MAP2K2: variants seen among roughly 807,000 people sequenced by gnomAD.
MAP2K2 encodes the protein mitogen-activated protein kinase kinase 2.
MAP2K2 carries 24 observed loss-of-function variants against 43.7 expected under a neutral mutation model. That is an observed-to-expected ratio of 0.55 (90% CI 0.40 to 0.77). The LOEUF (loss-of-function observed/expected upper bound fraction) is 0.77. Ranked by LOEUF, MAP2K2 falls within the 30% of genes least tolerant of loss-of-function variation. The pLI is 0.00. For missense variants in MAP2K2, 470 were observed against 566.8 expected, an observed-to-expected ratio of 0.83 and a Z score of 1.73; for synonymous variants, 244 against 239.7, an observed-to-expected ratio of 1.02 and a Z score of -0.17.
In MAP2K2 at chr19:4,101,733, C is replaced by T. The variant is rs1301348342; in HGVS notation, c.529-453G>A. Among the ~76,000 whole-genome samples, 1 of 152,158 alleles carries T rather than the reference C, an allele frequency of 6.6e-6. No homozygotes were observed. Among genetic ancestry groups the T allele is most frequent in the Non-Finnish European group, 1.5e-5 (1 of 68,026 alleles). On this transcript the variant is annotated intron_variant, in intron 4 of 10. Transcript: ENST00000262948. The surrounding 1 kb of genome is among the most constrained non-coding windows in gnomAD (Gnocchi z 6.3). ...GTTTCCCCCAGGCCCGCCCTGGAAG[C>T]AGCATCCCGAGAAGTGAAGCAAGCA... is the stretch of plus-strand genomic sequence containing the variant.
chr19:4,102,651 G>A, intron 3 of MAP2K2, 198 bp from the exon 4 acceptor site: 12 of 957,060 alleles, frequency 1.3e-5, no homozygotes, highest in Non-Finnish European at 1.9e-5. Context: ...CCCACAAGGT[G>A]GGGAAGGAAC....
intron 9 of MAP2K2, 76 bp downstream of exon 9, chr19:4,095,312 G>A (rs1478552623): frequency 9.4e-6 from 13 of 1,377,818 alleles, no homozygotes; most frequent in Admixed American, 2.0e-5. Context: ...GCTGGGCCAC[G>A]GGCCCCACCC....
chr19:4,099,344 T>C lies in MAP2K2; in HGVS notation c.776A>G (p.Glu259Gly), dbSNP rs2145050251. The change falls in exon 7 of 11, where the codon GAG (glutamate) becomes GGG (glycine). Residue 259 changes from glutamate (E) to glycine (G), a missense_variant. Coordinates refer to ENST00000262948, the MANE Select transcript of MAP2K2 (RefSeq NM_030662.4). Reference sequence around the variant, plus strand: ...GATGGGGTACCTTCCGACGGCCAGCTCCACCAGGGACAGGCCCATGCTCCA... The same window carrying C: ...GATGGGGTACCTTCCGACGGCCAGCCCCACCAGGGACAGGCCCATGCTCCA... ...DIWSMGLSLVELAVGRYPIPP... is the reference protein window; with the variant it reads ...DIWSMGLSLVGLAVGRYPIPP... The C allele has an allele frequency of 1.9e-6, 3 of 1,611,618 alleles. No individual in the cohort carries two copies. Among genetic ancestry groups the C allele is most frequent in the Non-Finnish European group, 2.5e-6 (3 of 1,179,294 alleles).
rs147624341 is a variant in MAP2K2, at chr19:4,099,425, G to A, written c.706-11C>T. 1.9e-6 allele frequency: 3 copies of A among 1,590,056 alleles called. No individual in the cohort carries two copies. The highest frequency in any genetic ancestry group is 1.7e-6 in the Non-Finnish European group (2 of 1,168,196). ...CTGCAACCGCTCCGGCTGCAGCAGA[G>A]CCAGGGAGGAAAGAGCCCAGAGGGG... is the stretch of plus-strand genomic sequence containing the variant. On this transcript the variant is annotated splice_polypyrimidine_tract_variant and intron_variant, in intron 6 of 10. Transcript: ENST00000262948.
chr19:4,116,883 C>T (rs1161998922), intron 2 of MAP2K2, among the ~76,000 whole-genome samples: 4 of 152,144 alleles, frequency 2.6e-5, no homozygotes, highest in Non-Finnish European at 5.9e-5. Flanking sequence ...GAGCCAAGAT[C>T]ATGCCACTGC....
intron 10 of MAP2K2, among the ~76,000 whole-genome samples, chr19:4,093,935 T>C (rs989574459): frequency 6.6e-6 from 1 of 152,024 alleles, no homozygotes; most frequent in Non-Finnish European, 1.5e-5. Context: ...CCCGGGGCCC[T>C]CCTCTGAGGG....
chr19:4,098,932 C>T lies in MAP2K2; in HGVS notation c.919+269G>A, dbSNP rs1177689849. The stretch of plus-strand genomic sequence containing the variant: ...GTTGGAAAATCCAACTGCCCAGGGG[C>T]TTGGTGGCAAAGCTGCGCTCCCAGA... On this transcript the variant is annotated intron_variant, in intron 7 of 10. Coordinates refer to ENST00000262948, the MANE Select transcript of MAP2K2 (RefSeq NM_030662.4). Among the ~76,000 whole-genome samples the T allele has an allele frequency of 2.0e-5, 3 of 152,262 alleles. No homozygotes were observed. In the East Asian group the frequency reaches 5.8e-4, roughly 29 times the overall value.
chr19:4,102,358 G>C lies in MAP2K2; in HGVS notation c.528+18C>G, dbSNP rs1397298285. 1 of 1,581,940 alleles carries C rather than the reference G, an allele frequency of 6.3e-7. No individual in the cohort carries two copies. The highest frequency in any genetic ancestry group is 1.1e-5 in the South Asian group (1 of 87,112). On this transcript the variant is annotated intron_variant, in intron 4 of 10. Transcript: ENST00000262948. The stretch of plus-strand genomic sequence containing the variant: ...CAGAGTGCGGTGGGGGCGCGATGTG[G>C]GTCTGCGGTGGACTCACCGCGATGC...
In MAP2K2 at chr19:4,110,569, G is replaced by A. The variant is rs749956316; in HGVS notation, c.390C>T (p.Ile130=). ...QVLHECNSPY[I]VGFYGAFYSD... The stretch of plus-strand genomic sequence containing the variant: ...TGTAGAAGGCCCCGTAGAAGCCCAC[G>A]ATGTACGGCGAGTTGCATTCGTGCA... The change falls in exon 3 of 11, where the codon ATC becomes ATT. Residue 130 remains isoleucine, a synonymous_variant. Coordinates refer to ENST00000262948, the MANE Select transcript of MAP2K2 (RefSeq NM_030662.4). 25 of 1,613,920 alleles carry A rather than the reference G, an allele frequency of 1.5e-5. No individual in the cohort carries two copies. Among genetic ancestry groups the A allele is most frequent in the Non-Finnish European group, 1.9e-5 (23 of 1,180,046 alleles).
At chr19:4,098,782 T>A (rs1358637298) in intron 7 of MAP2K2, among the ~76,000 whole-genome samples, 1 of 152,234 alleles carries the variant, frequency 6.6e-6, no homozygotes, top group Non-Finnish European at 1.5e-5. Context: ...AAGTCCAATC[T>A]CCACTTCAGG....
At chr19:4,096,530 T>A (rs534408830) in intron 8 of MAP2K2, among the ~76,000 whole-genome samples, 11 of 152,286 alleles carry the variant, frequency 7.2e-5, no homozygotes, top group African/African-American at 2.6e-4. Flanking sequence ...CCTTGTGCCT[T>A]GTTTTACTCA....
intron 2 of MAP2K2, among the ~76,000 whole-genome samples, chr19:4,113,317 G>A (rs981929778): frequency 1.1e-4 from 17 of 152,150 alleles, no homozygotes; most frequent in African/African-American, 3.6e-4. Context: ...CGTGATCTCA[G>A]TTTTAATGGT....
intron 1 of MAP2K2, among the ~76,000 whole-genome samples, chr19:4,119,835 A>G (rs8105284): frequency 7.7e-4 from 118 of 152,362 alleles, no homozygotes; most frequent in African/African-American, 2.7e-3. Flanking sequence ...GGACTGAAGC[A>G]GGGAATGAAG....
Position 4,101,706 on chromosome 19 carries a change from ATGTTTCCCCCAGGCCCGCCC to A in MAP2K2, c.529-446_529-427del, listed in dbSNP as rs1488303487. ...GGGCTAAGGGTGCCTGGGAAGGACG[ATGTTTCCCCCAGGCCCGCCC>A]TGGAAGCAGCATCCCGAGAAGTGAA... On this transcript the variant is annotated intron_variant, in intron 4 of 10. Coordinates refer to ENST00000262948, the MANE Select transcript of MAP2K2 (RefSeq NM_030662.4). This position sits in a 1 kb window ranked among gnomAD's most constrained non-coding sequence, Gnocchi z 6.3. Among the ~76,000 whole-genome samples the A allele has an allele frequency of 1.3e-5, 2 of 152,092 alleles. No homozygotes were observed. The highest frequency in any genetic ancestry group is 2.9e-5 in the Non-Finnish European group (2 of 68,000).
rs554944165 is a variant in MAP2K2 at position 4,101,704 on chromosome 19, C to T, written c.529-424G>A. On this transcript the variant is annotated intron_variant, in intron 4 of 10. Coordinates refer to ENST00000262948, the MANE Select transcript of MAP2K2 (RefSeq NM_030662.4). This position sits in a 1 kb window ranked among gnomAD's most constrained non-coding sequence, Gnocchi z 6.3. ...ACGGGCTAAGGGTGCCTGGGAAGGACGATGTTTCCCCCAGGCCCGCCCTGG... is the reference window on the plus strand; with the variant it reads ...ACGGGCTAAGGGTGCCTGGGAAGGATGATGTTTCCCCCAGGCCCGCCCTGG... 7.4e-4 allele frequency among the ~76,000 whole-genome samples: 113 copies of T among 152,216 alleles called. No individual in the cohort carries two copies. The highest frequency in any genetic ancestry group is 1.9e-3 in the African/African-American group (79 of 41,518).
chr19:4,103,009 G>A, intron 3 of MAP2K2: 1 of 1,061,770 alleles, frequency 9.4e-7, no homozygotes, highest in Non-Finnish European at 1.1e-6. Context: ...CCCTCGCCAA[G>A]CCCTGCGGCT....
intron 3 of MAP2K2, among the ~76,000 whole-genome samples, chr19:4,109,628 G>A (rs1257190668): frequency 1.3e-5 from 2 of 152,018 alleles, no homozygotes; most frequent in Non-Finnish European, 2.9e-5. Context: ...ACAGGCACGT[G>A]CCACCACACT....
intron 10 of MAP2K2, among the ~76,000 whole-genome samples, chr19:4,092,687 T>C (rs773179341): frequency 6.6e-6 from 1 of 152,158 alleles, no homozygotes; most frequent in South Asian, 2.1e-4. Flanking sequence ...CAGGCTGGCC[T>C]TGAACTCCTG....
chr19:4,110,506 C>T lies in MAP2K2; in HGVS notation c.450+3G>A, dbSNP rs780499842. The T allele has an allele frequency of 6.2e-7, 1 of 1,613,398 alleles. No homozygotes were observed. The highest frequency in any genetic ancestry group is 1.1e-5 in the South Asian group (1 of 91,082). ...CCCCTGCCCCTGCCCCGGACGCACTCACCATGTGTTCCATGCAAATGCTGA... is the reference window on the plus strand; with the variant it reads ...CCCCTGCCCCTGCCCCGGACGCACTTACCATGTGTTCCATGCAAATGCTGA... On this transcript the variant is annotated splice_donor_region_variant and intron_variant, in intron 3 of 10. Transcript: ENST00000262948.
Sources: gnomAD v4.1 joint callset for allele counts (sites outside exome capture counted in the v4.1 genomes callset) on GRCh38, gnomAD v4.1.1 for gene constraint, Gnocchi (gnomAD v3.1) non-coding constraint, MANE v1.5 for transcripts, NCBI Gene and HGNC (gene_info 2026-07-23, HGNC 2026-07-21) for gene names.